SKIC3: variants seen among roughly 807,000 people sequenced by gnomAD.
SKIC3 encodes the protein superkiller complex protein 3.
At chr5:95,509,169 C>T in the SKIC3 span, among the ~76,000 whole-genome samples, 2 of 152,022 alleles carry the variant, frequency 1.3e-5, no homozygotes, top group Non-Finnish European at 2.9e-5. Flanking sequence ...TTATTTAGTA[C>T]CTTCTTCCCG....
chr5:95,490,992 C>T, the SKIC3 span: 1 of 1,614,060 alleles, frequency 6.2e-7, no homozygotes, highest in Non-Finnish European at 8.5e-7. Context: ...AGTTTATCAT[C>T]AGCGTGACAG....
chr5:95,540,321 G>C, the SKIC3 span, among the ~76,000 whole-genome samples: 19 of 152,108 alleles, frequency 1.2e-4, no homozygotes, highest in African/African-American at 4.6e-4. Flanking sequence ...GGGGGAAGGT[G>C]AGGGACAAAA....
chr5:95,543,272 G>A, the SKIC3 span: 1 of 1,613,978 alleles, frequency 6.2e-7, no homozygotes. Context: ...TTCAGCTGCA[G>A]CAACGCCAAT....
the SKIC3 span, among the ~76,000 whole-genome samples, chr5:95,496,692 T>A: frequency 6.6e-6 from 1 of 152,004 alleles, no homozygotes; most frequent in African/African-American, 2.4e-5. Context: ...CACAATTGGG[T>A]AAACAAAGAA....
chr5:95,532,337 G>T, the SKIC3 span, among the ~76,000 whole-genome samples: 1 of 152,072 alleles, frequency 6.6e-6, no homozygotes, highest in Non-Finnish European at 1.5e-5. Flanking sequence ...GCTAAAGCCT[G>T]GGAGCATAAC....
the SKIC3 span, among the ~76,000 whole-genome samples, chr5:95,519,856 G>A: frequency 8.6e-5 from 13 of 151,986 alleles, no homozygotes; most frequent in African/African-American, 2.4e-5. Flanking sequence ...CTCTTAAATA[G>A]CAGTTCAAAT....
the SKIC3 span, among the ~76,000 whole-genome samples, chr5:95,502,546 G>C: frequency 3.9e-5 from 6 of 152,056 alleles, no homozygotes; most frequent in African/African-American, 1.4e-4. Flanking sequence ...ATATCTCTTT[G>C]GGAATCCAAG....
At chr5:95,488,849 A>T in the SKIC3 span, among the ~76,000 whole-genome samples, 1 of 152,174 alleles carries the variant, frequency 6.6e-6, no homozygotes, top group East Asian at 1.9e-4. Flanking sequence ...AGAAATAAAG[A>T]ATATACCAAA....
the SKIC3 span, among the ~76,000 whole-genome samples, chr5:95,533,681 T>C: frequency 6.6e-6 from 1 of 152,206 alleles, no homozygotes; most frequent in Non-Finnish European, 1.5e-5. Context: ...TTCTACATAA[T>C]ACAAATCCAG....
At chr5:95,484,714 C>A in the SKIC3 span, 1 of 1,613,954 alleles carries the variant, frequency 6.2e-7, no homozygotes, top group Non-Finnish European at 8.5e-7. Context: ...ATGCACATTC[C>A]ATAAAATACC....
the SKIC3 span, chr5:95,525,617 C>T: frequency 3.7e-6 from 6 of 1,613,992 alleles, no homozygotes; most frequent in Admixed American, 1.0e-4. Context: ...AACCTTTGTT[C>T]CGATAGGCCA....
chr5:95,548,294 C>T, the SKIC3 span, among the ~76,000 whole-genome samples: 1 of 152,004 alleles, frequency 6.6e-6, no homozygotes, highest in Non-Finnish European at 1.5e-5. Context: ...GGTACACTGA[C>T]AGTCCTTTAT....
the SKIC3 span, among the ~76,000 whole-genome samples, chr5:95,535,865 A>G: frequency 6.6e-6 from 1 of 152,226 alleles, no homozygotes; most frequent in Admixed American, 6.5e-5. Context: ...ATGGATTAGT[A>G]AAGCTCCACA....
chr5:95,504,037 G>A, the SKIC3 span: 2,628 of 1,178,878 alleles, frequency 2.2e-3, 32 homozygotes, highest in Middle Eastern at 6.5e-3. Context: ...GGCCGGACGC[G>A]GTGGCTCACA....
chr5:95,514,277 C>T, the SKIC3 span, among the ~76,000 whole-genome samples: 2 of 151,754 alleles, frequency 1.3e-5, no homozygotes, highest in Admixed American at 6.6e-5. Flanking sequence ...AAATTAAAAT[C>T]CAGAAAAGTG....
At chr5:95,512,712 A>G in the SKIC3 span, 1 of 1,407,998 alleles carries the variant, frequency 7.1e-7, no homozygotes, top group Non-Finnish European at 9.9e-7. Context: ...AATACAATAA[A>G]TATCACATCT....
chr5:95,547,038 TG>T, the SKIC3 span: 1 of 1,600,016 alleles, frequency 6.2e-7, no homozygotes, highest in Non-Finnish European at 8.6e-7. Flanking sequence ...ACTTTCATTG[TG>T]GAAGAAAAAA....
At chr5:95,482,562 G>A in the SKIC3 span, 1 of 1,614,040 alleles carries the variant, frequency 6.2e-7, no homozygotes, top group Non-Finnish European at 8.5e-7. Context: ...TGTGACTCCA[G>A]GAGTGGTTTA....
the SKIC3 span, chr5:95,464,645 T>C: frequency 1.2e-6 from 2 of 1,613,680 alleles, no homozygotes; most frequent in Non-Finnish European, 1.7e-6. Context: ...TCCAATGCTC[T>C]TGTATCTCCA....
Sources: allele counts gnomAD v4.1 joint callset (sites outside exome capture counted in the v4.1 genomes callset), GRCh38; gene constraint gnomAD v4.1.1; transcripts MANE v1.5; gene names NCBI Gene and HGNC (gene_info 2026-07-23, HGNC 2026-07-21).